The following PRKCA variants were observed in gnomAD, a reference collection of about 807,000 sequenced individuals.
PRKCA encodes protein kinase C alpha.
A neutral mutation model predicts 87.0 loss-of-function variants in PRKCA; 27 were observed. The ratio of observed to expected loss-of-function variants is 0.31; its 90% CI spans 0.23 to 0.43. The LOEUF is 0.43. Among genes scored for constraint, PRKCA ranks in the 20% least tolerant of loss-of-function variants. The pLI, the probability that PRKCA is intolerant of heterozygous loss-of-function variation, is 1.00. For missense variants in PRKCA, 518 were observed against 852.3 expected (o/e 0.61, Z 4.88); for synonymous variants, 329 against 311.1 (o/e 1.06, Z -0.61).
At chr17:66,735,422 G>T in intron 9 of PRKCA, 67 bp from the exon 10 acceptor site, 1 of 1,571,626 alleles carries the variant, frequency 6.4e-7, no homozygotes, top group East Asian at 2.2e-5. Flanking sequence ...ACCTGGCCTG[G>T]TTCCTTCCCT....
chr17:66,309,795 T>A (rs1477726226), intron 2 of PRKCA, among the ~76,000 whole-genome samples: 8 of 152,178 alleles, frequency 5.3e-5, no homozygotes. Flanking sequence ...TTGCCCACTT[T>A]TTTTTTCCCC....
At chr17:66,564,847 G>A (rs1439265150) in intron 3 of PRKCA, among the ~76,000 whole-genome samples, 2 of 152,144 alleles carry the variant, frequency 1.3e-5, no homozygotes, top group Non-Finnish European at 2.9e-5. Context: ...GGACGCAGTG[G>A]CAGGCACCTG....
intron 2 of PRKCA, among the ~76,000 whole-genome samples, chr17:66,347,379 G>A (rs780438939): frequency 3.3e-5 from 5 of 151,708 alleles, no homozygotes; most frequent in Non-Finnish European, 5.9e-5. Flanking sequence ...GAAAAAAGGA[G>A]GGAATATTTT....
chr17:66,682,715 G>C (rs931478058), intron 5 of PRKCA, among the ~76,000 whole-genome samples: 2 of 152,148 alleles, frequency 1.3e-5, no homozygotes, highest in African/African-American at 4.8e-5. Flanking sequence ...TTTTGTTGTT[G>C]TTGTTGTTGT....
chr17:66,531,750 C>G (rs544817869), intron 3 of PRKCA, among the ~76,000 whole-genome samples: 133 of 152,324 alleles, frequency 8.7e-4, no homozygotes, highest in Middle Eastern at 6.8e-3. Flanking sequence ...ATTGGCAGGC[C>G]TCAGTCCTCA....
chr17:66,704,541 ATG>A (rs1461202000), intron 8 of PRKCA, among the ~76,000 whole-genome samples: 7 of 152,228 alleles, frequency 4.6e-5, no homozygotes, highest in Non-Finnish European at 1.0e-4. Context: ...GCAGAGAAAT[ATG>A]TGTGTCTTCA....
chr17:66,563,629 C>G (rs1355095863), intron 3 of PRKCA, among the ~76,000 whole-genome samples: 1 of 152,054 alleles, frequency 6.6e-6, no homozygotes, highest in Non-Finnish European at 1.5e-5. Context: ...AGTTTTTGAC[C>G]CTTGATGTGA....
intron 3 of PRKCA, among the ~76,000 whole-genome samples, chr17:66,617,210 T>TA (rs1414714854): frequency 6.6e-6 from 1 of 152,138 alleles, no homozygotes; most frequent in Non-Finnish European, 1.5e-5. Flanking sequence ...GACTGGGTTT[T>TA]AAAAATGGAC....
At chr17:66,564,153 T>A (rs1461378343) in intron 3 of PRKCA, among the ~76,000 whole-genome samples, 1 of 151,912 alleles carries the variant, frequency 6.6e-6, no homozygotes, top group Non-Finnish European at 1.5e-5. Flanking sequence ...ATCTCGGCTC[T>A]GTGCAGGCTC....
intron 13 of PRKCA, among the ~76,000 whole-genome samples, chr17:66,746,014 C>T (rs916048279): frequency 6.6e-6 from 1 of 152,142 alleles, no homozygotes; most frequent in Non-Finnish European, 1.5e-5. Flanking sequence ...CAAGTGCTTT[C>T]AGTTTATAAG....
At chr17:66,749,389 T>C (rs1974380263) in intron 13 of PRKCA, among the ~76,000 whole-genome samples, 1 of 151,980 alleles carries the variant, frequency 6.6e-6, no homozygotes, top group African/African-American at 2.4e-5. Flanking sequence ...CCTCTTCTTT[T>C]TCCTTCCACC....
chr17:66,499,015 A>G (rs1198368582), intron 3 of PRKCA, among the ~76,000 whole-genome samples: 2 of 152,230 alleles, frequency 1.3e-5, no homozygotes, highest in South Asian at 2.1e-4. Context: ...AAGTTTCAGC[A>G]TATGAATTTT....
intron 5 of PRKCA, among the ~76,000 whole-genome samples, chr17:66,659,735 C>T (rs574827409): frequency 5.3e-5 from 8 of 151,522 alleles, no homozygotes; most frequent in Non-Finnish European, 7.4e-5. Flanking sequence ...AGTGAGACTC[C>T]GTCACAAAAA....
chr17:66,441,688 C>T (rs141928214), intron 2 of PRKCA, among the ~76,000 whole-genome samples: 9 of 152,248 alleles, frequency 5.9e-5, no homozygotes, highest in African/African-American at 1.4e-4. Flanking sequence ...AGCTGCTGTG[C>T]GGTTTTTTCA....
chr17:66,626,612 C>T (rs532389959), intron 3 of PRKCA, among the ~76,000 whole-genome samples: 6 of 151,844 alleles, frequency 4.0e-5, no homozygotes, highest in East Asian at 3.9e-4. Context: ...CCTCGTGATC[C>T]GCCTGCCTTG....
At chr17:66,459,533 A>G (rs921171589) in intron 2 of PRKCA, among the ~76,000 whole-genome samples, 11 of 152,284 alleles carry the variant, frequency 7.2e-5, no homozygotes, top group African/African-American at 9.6e-5. Flanking sequence ...GCAAATTTCT[A>G]TTTTCTGGAA....
At chr17:66,531,217 C>G (rs1967524255) in intron 3 of PRKCA, among the ~76,000 whole-genome samples, 1 of 152,192 alleles carries the variant, frequency 6.6e-6, no homozygotes, top group South Asian at 2.1e-4. Context: ...ATCTGCACAG[C>G]CAGAGACAGC....
At chr17:66,617,225 T>C (rs975797532) in intron 3 of PRKCA, among the ~76,000 whole-genome samples, 1 of 152,160 alleles carries the variant, frequency 6.6e-6, no homozygotes, top group Non-Finnish European at 1.5e-5. Flanking sequence ...ATGGACTACC[T>C]GGTCAGTTTC....
At chr17:66,480,230 C>T (rs955490716) in intron 2 of PRKCA, among the ~76,000 whole-genome samples, 1 of 152,076 alleles carries the variant, frequency 6.6e-6, no homozygotes, top group African/African-American at 2.4e-5. Context: ...CCCAGTTGCT[C>T]TCCACTGTTA....
Sources: gnomAD v4.1 joint callset for allele counts (sites outside exome capture counted in the v4.1 genomes callset) on GRCh38, gnomAD v4.1.1 for gene constraint, MANE v1.5 for transcripts, NCBI Gene and HGNC (gene_info 2026-07-23, HGNC 2026-07-21) for gene names.